CCNY: variants seen among roughly 807,000 people sequenced by gnomAD.
CCNY encodes the protein cyclin Y.
CCNY carries 19 observed loss-of-function variants against 42.8 expected under a neutral mutation model. The ratio of observed to expected loss-of-function variants is 0.44; its 90% CI spans 0.31 to 0.65. The LOEUF is 0.65. Among genes scored for constraint, CCNY ranks in the 30% least tolerant of loss-of-function variants. The pLI is 0.07. For missense variants in CCNY, 370 were observed against 437.3 expected, an observed-to-expected ratio of 0.85 and a Z score of 1.37; for synonymous variants, 165 against 162.7, an observed-to-expected ratio of 1.01 and a Z score of -0.11.
chr10:35,559,897 G>C (rs757619318), intron 8 of CCNY, among the ~76,000 whole-genome samples: 2 of 152,212 alleles, frequency 1.3e-5, no homozygotes, highest in South Asian at 4.1e-4. Flanking sequence ...GGGTGATGGC[G>C]CATCAGCAGA....
intron 1 of CCNY, among the ~76,000 whole-genome samples, chr10:35,437,101 T>C (rs949693314): frequency 3.3e-5 from 5 of 152,116 alleles, no homozygotes; most frequent in Admixed American, 1.3e-4. Flanking sequence ...ATGAGAACAG[T>C]ATGAGGGAAA....
intron 1 of CCNY, among the ~76,000 whole-genome samples, chr10:35,351,694 A>T (rs1482042981): frequency 6.6e-6 from 1 of 152,252 alleles, no homozygotes; most frequent in Non-Finnish European, 1.5e-5. Context: ...TTTTATTTTA[A>T]GTATATAATA....
chr10:35,362,724 C>T (rs1836712644), intron 1 of CCNY, among the ~76,000 whole-genome samples: 2 of 152,204 alleles, frequency 1.3e-5, no homozygotes, highest in Non-Finnish European at 1.5e-5. Flanking sequence ...AGAGGCGCTC[C>T]TCACTTCCCA....
At position 35,404,800 on chromosome 10, in the gene CCNY, G is replaced by T. The variant is rs189052629; in HGVS notation, c.154+67593G>T. ...CACGTATGTTTTAATGAAGAAATAT[G>T]TCAAGATAGGTAATGGATGAGGAAG... On this transcript the variant is annotated intron_variant, in intron 1 of 9. Transcript: ENST00000374704. Among the ~76,000 whole-genome samples the T allele has an allele frequency of 5.9e-5, 9 of 152,264 alleles. No homozygotes were observed. The East Asian group carries it at 1.4e-3, about 23-fold the overall frequency.
At chr10:35,267,263 G>A (rs1387994248) in intron 3 of CCNY, among the ~76,000 whole-genome samples, 1 of 150,286 alleles carries the variant, frequency 6.7e-6, no homozygotes, top group Non-Finnish European at 1.5e-5. Flanking sequence ...AGCTATCATT[G>A]TGCCATCCTA....
At chr10:35,448,611 C>T (rs1018305104) in intron 1 of CCNY, among the ~76,000 whole-genome samples, 1 of 151,838 alleles carries the variant, frequency 6.6e-6, no homozygotes, top group Non-Finnish European at 1.5e-5. Flanking sequence ...CCTTCAGATA[C>T]CTGAAGGATA....
chr10:35,275,013 G>A (rs950636760), intron 3 of CCNY, among the ~76,000 whole-genome samples: 6 of 150,378 alleles, frequency 4.0e-5, no homozygotes, highest in Non-Finnish European at 8.9e-5. Flanking sequence ...GGATCTGAGG[G>A]TGGCATTGCG....
chr10:35,255,868 T>C (rs1388382368), intron 3 of CCNY, among the ~76,000 whole-genome samples: 1 of 152,224 alleles, frequency 6.6e-6, no homozygotes, highest in Non-Finnish European at 1.5e-5. Flanking sequence ...ATACTGGGAT[T>C]ACAGGTGTGA....
intron 7 of CCNY, among the ~76,000 whole-genome samples, chr10:35,540,938 A>C (rs886109519): frequency 6.6e-6 from 1 of 151,578 alleles, no homozygotes; most frequent in Non-Finnish European, 1.5e-5. Flanking sequence ...AGGTTTTTGA[A>C]TTTTGTTGTT....
intron 1 of CCNY, among the ~76,000 whole-genome samples, chr10:35,366,785 T>C (rs1011849321): frequency 6.6e-6 from 1 of 152,272 alleles, no homozygotes; most frequent in African/African-American, 2.4e-5. Context: ...TAGCCACGTG[T>C]GGCAGTCAAA....
At chr10:35,268,119 T>G (rs1259757512) in intron 3 of CCNY, among the ~76,000 whole-genome samples, 1 of 151,998 alleles carries the variant, frequency 6.6e-6, no homozygotes, top group East Asian at 2.0e-4. Context: ...GGTCTCGAAC[T>G]CCTGGCCTCA....
chr10:35,271,003 G>A (rs1355211870), intron 3 of CCNY, among the ~76,000 whole-genome samples: 2 of 152,082 alleles, frequency 1.3e-5, no homozygotes. Flanking sequence ...GAGATTACAG[G>A]TGTGAGCCAC....
intron 1 of CCNY, among the ~76,000 whole-genome samples, chr10:35,426,250 C>T (rs555932711): frequency 2.0e-5 from 3 of 152,042 alleles, no homozygotes; most frequent in East Asian, 3.9e-4. Flanking sequence ...CACACACACA[C>T]ACAAACACAC....
In CCNY at chr10:35,302,483, G is replaced by A. The variant is rs550898825; in HGVS notation, c.-9+51857G>A. 2.3e-3 allele frequency among the ~76,000 whole-genome samples: 349 copies of A among 151,638 alleles called. 1 individual carries two copies. The highest frequency in any genetic ancestry group is 6.6e-3 in the Admixed American group (100 of 15,222). On this transcript the variant is annotated intron_variant, in intron 3 of 11. Coordinates refer to the CCNY transcript ENST00000374706. ...GCACCACCATGCCTGGCTAATTTTTGTATTTTTGGTAGAGACGGGGTTTCT... is the reference window on the plus strand; with the variant it reads ...GCACCACCATGCCTGGCTAATTTTTATATTTTTGGTAGAGACGGGGTTTCT...
At chr10:35,412,780 G>A (rs1466611233) in intron 1 of CCNY, among the ~76,000 whole-genome samples, 3 of 140,558 alleles carry the variant, frequency 2.1e-5, no homozygotes, top group East Asian at 2.2e-4. Flanking sequence ...AGAATTGCTC[G>A]AACCCAGGAG....
intron 3 of CCNY, among the ~76,000 whole-genome samples, chr10:35,269,143 G>T (rs1474118627): frequency 6.6e-6 from 1 of 151,984 alleles, no homozygotes; most frequent in African/African-American, 2.4e-5. Flanking sequence ...TTTACATACT[G>T]CCTCCCTTTT....
chr10:35,304,962 A>G (rs985500531), intron 3 of CCNY, among the ~76,000 whole-genome samples: 2 of 152,218 alleles, frequency 1.3e-5, no homozygotes, highest in African/African-American at 2.4e-5. Context: ...GATTCTCATC[A>G]CTGTTGCCGT....
intron 3 of CCNY, among the ~76,000 whole-genome samples, chr10:35,300,800 C>CATT (rs3066492): frequency 0.011 from 1,665 of 151,628 alleles, 28 homozygotes; most frequent in African/African-American, 0.029. Flanking sequence ...ATATTCATTC[C>CATT]ATTATTATTA....
At chr10:35,300,255 C>T (rs1470149597) in intron 3 of CCNY, among the ~76,000 whole-genome samples, 1 of 152,236 alleles carries the variant, frequency 6.6e-6, no homozygotes, top group African/African-American at 2.4e-5. Flanking sequence ...TGCCCTCCCT[C>T]ATCCCTACTT....
Sources: gnomAD v4.1 joint callset for allele counts (sites outside exome capture counted in the v4.1 genomes callset) on GRCh38, gnomAD v4.1.1 for gene constraint, MANE v1.5 for transcripts, NCBI Gene and HGNC (gene_info 2026-07-23, HGNC 2026-07-21) for gene names.